The following DIP2C variants were observed in gnomAD, a reference collection of about 807,000 sequenced individuals.
DIP2C encodes DIP2 acetate--CoA ligase C (putative).
A neutral mutation model predicts 192.4 loss-of-function variants in DIP2C; 33 were observed. That is an observed-to-expected ratio of 0.17 (90% CI 0.13 to 0.23). The LOEUF (loss-of-function observed/expected upper bound fraction) is 0.23. DIP2C is among the 10% of genes least tolerant of loss of function. The pLI, the probability that DIP2C is intolerant of heterozygous loss-of-function variation, is 1.00. For missense variants in DIP2C, 1,537 were observed against 2,110.1 expected, an observed-to-expected ratio of 0.73 and a Z score of 5.32; for synonymous variants, 979 against 864.1, an observed-to-expected ratio of 1.13 and a Z score of -2.33.
At chr10:320,770 A>G (rs969740781) in intron 31 of DIP2C, among the ~76,000 whole-genome samples, 6 of 152,298 alleles carry the variant, frequency 3.9e-5, no homozygotes, top group Middle Eastern at 3.4e-3. Context: ...ACTAACAACA[A>G]CAAAGAAAAA....
chr10:410,639 TGAAA>T (rs1564675053), intron 8 of DIP2C, among the ~76,000 whole-genome samples: 1 of 152,196 alleles, frequency 6.6e-6, no homozygotes, highest in African/African-American at 2.4e-5. Flanking sequence ...TCTTTGCAAC[TGAAA>T]GAAAAACAAT....
chr10:586,663 T>C (rs1212666945), intron 1 of DIP2C, among the ~76,000 whole-genome samples: 1 of 152,238 alleles, frequency 6.6e-6, no homozygotes, highest in African/African-American at 2.4e-5. Flanking sequence ...GAGGAAACTT[T>C]CACTGGGAAA....
Position 651,769 on chromosome 10 carries a change from C to T in DIP2C, c.85+37725G>A. 2 of 271,530 alleles carry T rather than the reference C, an allele frequency of 7.4e-6. No homozygotes were observed. The highest frequency in any genetic ancestry group is 7.2e-6 in the Non-Finnish European group (1 of 139,708). The allele number at this position is 271,530 out of a possible 1,614,324, so 16.8% of individuals were successfully genotyped here. A position where few individuals can be genotyped will look rare whatever the true frequency, so the allele number is the denominator to read the frequency against. The stretch of plus-strand genomic sequence containing the variant: ...CCTGAGCTGAGAGGGGGCCTGGCAT[C>T]GCCCACCCAGGTCATCAGTCATCAT... On this transcript the variant is annotated intron_variant, in intron 1 of 36. Transcript: ENST00000280886. This position sits in a 1 kb window ranked among gnomAD's most constrained non-coding sequence, Gnocchi z 4.1.
In DIP2C at chr10:276,771, AGCT is replaced by A. The variant is rs199810306; in HGVS notation, c.*551_*553del. On this transcript the variant is annotated 3_prime_UTR_variant, in exon 37 of 37. Coordinates refer to ENST00000280886, the MANE Select transcript of DIP2C (RefSeq NM_014974.3). ...TCTTCAGCACATTTCTGACAAAGAA[AGCT>A]GCTATTATCTAATTGGAAGGTGCTA... is the stretch of plus-strand genomic sequence containing the variant. 4,122 of 153,428 alleles carry A rather than the reference AGCT, an allele frequency of 0.027. 84 individuals are homozygous for A. The highest frequency in any genetic ancestry group is 0.038 in the Non-Finnish European group (2,623 of 68,526). 9.5% of individuals were successfully genotyped at this position (153,428 alleles called of 1,614,324 possible).
At chr10:386,014 G>C (rs1962869368) in intron 14 of DIP2C, among the ~76,000 whole-genome samples, 1 of 152,214 alleles carries the variant, frequency 6.6e-6, no homozygotes, top group African/African-American at 2.4e-5. Flanking sequence ...AGGGCTGCCA[G>C]CTGTACCCCG....
chr10:337,523 G>A (rs370134505), intron 29 of DIP2C, among the ~76,000 whole-genome samples: 30 of 144,382 alleles, frequency 2.1e-4, no homozygotes, highest in East Asian at 6.5e-4. Flanking sequence ...GTGTGTGTGC[G>A]TGCGTGTGTG....
At chr10:512,565 A>G (rs1312596714) in intron 1 of DIP2C, among the ~76,000 whole-genome samples, 1 of 152,176 alleles carries the variant, frequency 6.6e-6, no homozygotes, top group Non-Finnish European at 1.5e-5. Flanking sequence ...AGCCTGGGCG[A>G]CAGAGTGAGA....
chr10:278,213 G>A (rs1214195166), intron 36 of DIP2C, among the ~76,000 whole-genome samples: 6 of 146,304 alleles, frequency 4.1e-5, no homozygotes, highest in East Asian at 2.1e-4. Context: ...ACTCCTCTCT[G>A]TCTGTGCACC....
At chr10:404,605 A>G (rs542937216) in intron 9 of DIP2C, among the ~76,000 whole-genome samples, 49 of 152,248 alleles carry the variant, frequency 3.2e-4, no homozygotes, top group Non-Finnish European at 4.6e-4. Context: ...TCATCTGTGT[A>G]TCTAAGTAAG....
intron 2 of DIP2C, among the ~76,000 whole-genome samples, chr10:482,725 C>A (rs923846993): frequency 6.6e-6 from 1 of 152,222 alleles, no homozygotes; most frequent in Non-Finnish European, 1.5e-5. Context: ...TAAATCTCCA[C>A]GGCCTGTGTC....
intron 33 of DIP2C, among the ~76,000 whole-genome samples, chr10:286,880 G>A (rs1186926662): frequency 2.0e-5 from 3 of 152,198 alleles, no homozygotes; most frequent in Non-Finnish European, 4.4e-5. Flanking sequence ...TGGACTCGAA[G>A]ATAACCCAAA....
chr10:552,378 G>A (rs748799387), intron 1 of DIP2C, among the ~76,000 whole-genome samples: 1 of 152,204 alleles, frequency 6.6e-6, no homozygotes, highest in Non-Finnish European at 1.5e-5. Context: ...ACAGAGTGAA[G>A]TCCCTGCCAA....
chr10:559,235 G>A (rs995629889), intron 1 of DIP2C, among the ~76,000 whole-genome samples: 1 of 151,998 alleles, frequency 6.6e-6, no homozygotes, highest in Non-Finnish European at 1.5e-5. Context: ...GAAGTGCTTG[G>A]GCCCTCGATC....
chr10:528,792 C>CG (rs1847208812), intron 1 of DIP2C, among the ~76,000 whole-genome samples: 2 of 152,150 alleles, frequency 1.3e-5, no homozygotes, highest in Admixed American at 6.5e-5. Flanking sequence ...CAGGTGAGGC[C>CG]GGGGGCAGAA....
At chr10:424,369 T>G (rs1354622984) in intron 4 of DIP2C, among the ~76,000 whole-genome samples, 6 of 142,632 alleles carry the variant, frequency 4.2e-5, no homozygotes, top group South Asian at 2.4e-4. Context: ...TTTTTTTTTT[T>G]TTTTTTTTTT....
At chr10:500,888 A>AT (rs199544853) in intron 1 of DIP2C, among the ~76,000 whole-genome samples, 35 of 152,060 alleles carry the variant, frequency 2.3e-4, no homozygotes, top group African/African-American at 8.2e-4. Flanking sequence ...CCTTAAAGCT[A>AT]TTTTTTTTCT....
intron 36 of DIP2C, among the ~76,000 whole-genome samples, chr10:278,331 G>A (rs1435015427): frequency 2.0e-5 from 3 of 152,256 alleles, no homozygotes; most frequent in Admixed American, 2.0e-4. Flanking sequence ...TCCCAGTCCT[G>A]GGGCTTGGGC....
At chr10:453,516 T>C (rs1589830271) in intron 3 of DIP2C, among the ~76,000 whole-genome samples, 1 of 152,166 alleles carries the variant, frequency 6.6e-6, no homozygotes, top group Non-Finnish European at 1.5e-5. Flanking sequence ...AGGGCAGTGA[T>C]TGTCTAGTAT....
At chr10:409,239 A>G (rs1490796138) in intron 8 of DIP2C, among the ~76,000 whole-genome samples, 1 of 151,980 alleles carries the variant, frequency 6.6e-6, no homozygotes, top group East Asian at 1.9e-4. Context: ...AAACTTCAGG[A>G]GAGAGAATGA....
Sources: gnomAD v4.1 joint callset for allele counts (sites outside exome capture counted in the v4.1 genomes callset) on GRCh38, gnomAD v4.1.1 for gene constraint, Gnocchi (gnomAD v3.1) non-coding constraint, MANE v1.5 for transcripts, NCBI Gene and HGNC (gene_info 2026-07-23, HGNC 2026-07-21) for gene names.